RARB: variants seen among roughly 807,000 people sequenced by gnomAD.
RARB encodes the protein retinoic acid receptor beta.
Under a neutral mutation model 51.9 loss-of-function variants are expected in RARB, and 17 were observed. The ratio of observed to expected loss-of-function variants is 0.33; its 90% CI spans 0.22 to 0.49. The LOEUF is 0.49. RARB is among the 20% of genes least tolerant of loss of function. The probability of loss-of-function intolerance (pLI) is 0.99; values close to 1 mark genes in which losing one functional copy is unlikely to be tolerated. For missense variants in RARB, 369 were observed against 550.8 expected (o/e 0.67, Z 3.30); for synonymous variants, 215 against 195.4 (o/e 1.10, Z -0.84).
chr3:25,110,904 C>T (rs573818194), intron 3 of RARB, among the ~76,000 whole-genome samples: 4 of 152,126 alleles, frequency 2.6e-5, no homozygotes, highest in African/African-American at 9.6e-5. Flanking sequence ...CATAAAGCCC[C>T]CAATTTAAGT....
intron 3 of RARB, among the ~76,000 whole-genome samples, chr3:25,120,853 C>T (rs1699773042): frequency 6.6e-6 from 1 of 152,098 alleles, no homozygotes; most frequent in African/African-American, 2.4e-5. Context: ...AGTTTCACTG[C>T]AAATAAGCCA....
chr3:25,368,721 T>C (rs1706209601), intron 5 of RARB, among the ~76,000 whole-genome samples: 1 of 152,200 alleles, frequency 6.6e-6, no homozygotes, highest in Admixed American at 6.5e-5. Context: ...TCCAGGTGTG[T>C]CCATTACATC....
chr3:25,290,213 G>A (rs537663188), intron 5 of RARB, among the ~76,000 whole-genome samples: 15 of 152,228 alleles, frequency 9.9e-5, no homozygotes, highest in Admixed American at 2.6e-4. Flanking sequence ...ACATAACTAC[G>A]TTTGGAAATA....
intron 2 of RARB, among the ~76,000 whole-genome samples, chr3:24,964,227 G>C (rs1696206593): frequency 6.6e-6 from 1 of 151,680 alleles, no homozygotes; most frequent in Admixed American, 6.6e-5. Context: ...TGCTAATTTG[G>C]TTATATAAAG....
At chr3:25,301,722 G>A (rs1704043054) in intron 5 of RARB, among the ~76,000 whole-genome samples, 1 of 152,190 alleles carries the variant, frequency 6.6e-6, no homozygotes, top group South Asian at 2.1e-4. Context: ...CTGTGCTCCT[G>A]TCCCTAACAT....
At chr3:25,236,887 C>T in intron 5 of RARB, among the ~76,000 whole-genome samples, 1 of 148,562 alleles carries the variant, frequency 6.7e-6, no homozygotes, top group African/African-American at 2.5e-5. Context: ...ATAGAGTTTT[C>T]TAATATAATA....
chr3:24,947,869 T>A (rs9873969), intron 2 of RARB, among the ~76,000 whole-genome samples: 5,202 of 152,232 alleles, frequency 0.034, 270 homozygotes, highest in African/African-American at 0.12. Flanking sequence ...TCTCTTCATA[T>A]CTGTAAAATA....
rs558107928 is a variant in RARB, at chr3:24,841,526, G to T, written c.-459+12123G>T. Among the ~76,000 whole-genome samples the T allele has an allele frequency of 3.9e-5, 6 of 152,226 alleles. No individual in the cohort carries two copies. The South Asian group carries it at 1.2e-3, about 32-fold the overall frequency. ...ATGTTGAGAATTCTGTTTCAACGGG[G>T]AAAAATGAAACCAAATTTATAGTAA... On this transcript the variant is annotated intron_variant, in intron 1 of 11. Transcript: ENST00000383772.
At chr3:25,387,539 T>C (rs1004228958) in intron 5 of RARB, among the ~76,000 whole-genome samples, 2 of 152,192 alleles carry the variant, frequency 1.3e-5, no homozygotes, top group Admixed American at 1.3e-4. Context: ...TTATTTGTAG[T>C]ATCTTCCACA....
intron 3 of RARB, among the ~76,000 whole-genome samples, chr3:25,067,501 T>G (rs550041111): frequency 1.3e-5 from 2 of 152,328 alleles, no homozygotes; most frequent in Admixed American, 1.3e-4. Flanking sequence ...CATTTCTACA[T>G]GCCTTTTATC....
At chr3:25,043,939 T>C (rs982516372) in intron 2 of RARB, among the ~76,000 whole-genome samples, 2 of 152,088 alleles carry the variant, frequency 1.3e-5, no homozygotes, top group Non-Finnish European at 1.5e-5. Context: ...TCTCAATGGT[T>C]TTAATAGAAA....
intron 5 of RARB, among the ~76,000 whole-genome samples, chr3:25,236,602 C>A (rs959139342): frequency 6.6e-6 from 1 of 152,036 alleles, no homozygotes; most frequent in Non-Finnish European, 1.5e-5. Flanking sequence ...CTTTTCTTCC[C>A]TTCACTATGC....
At chr3:25,196,161 G>A (rs1401500662) in intron 5 of RARB, among the ~76,000 whole-genome samples, 3 of 151,930 alleles carry the variant, frequency 2.0e-5, no homozygotes, top group Admixed American at 2.0e-4. Context: ...ATGTTGGTGT[G>A]CTGCACCCAC....
chr3:25,418,440 C>G (rs1387823014), intron 5 of RARB, among the ~76,000 whole-genome samples: 1 of 151,972 alleles, frequency 6.6e-6, no homozygotes, highest in African/African-American at 2.4e-5. Context: ...TAGACCTTAC[C>G]TACAATTGCA....
intron 2 of RARB, among the ~76,000 whole-genome samples, chr3:24,887,843 T>C (rs1461234422): frequency 6.6e-6 from 1 of 152,136 alleles, no homozygotes; most frequent in African/African-American, 2.4e-5. Flanking sequence ...TGGTTTACTG[T>C]GATGTCAGCA....
At chr3:25,023,707 C>A (rs1252341373) in intron 2 of RARB, among the ~76,000 whole-genome samples, 3 of 152,132 alleles carry the variant, frequency 2.0e-5, no homozygotes, top group South Asian at 4.1e-4. Flanking sequence ...GTATGTGAGA[C>A]AGCTATGAAA....
At chr3:24,950,598 G>A (rs1051614916) in intron 2 of RARB, among the ~76,000 whole-genome samples, 3 of 152,154 alleles carry the variant, frequency 2.0e-5, no homozygotes, top group Non-Finnish European at 2.9e-5. Flanking sequence ...TGAACATAAC[G>A]GAGCCAGAGA....
chr3:25,428,376 G>T lies in RARB; in HGVS notation c.-356G>T, dbSNP rs1237425997. 3.2e-6 allele frequency: 4 copies of T among 1,247,958 alleles called. No individual in the cohort carries two copies. In the African/African-American group the frequency reaches 6.2e-5, roughly 19 times the overall value. 77.3% of individuals were successfully genotyped at this position (1,247,958 alleles called of 1,614,324 possible). ...GTTTGAGGACTGGGATGCCGAGAAC[G>T]CGAGCGATCCGAGCAGGGTTTGTCT... On this transcript the variant is annotated 5_prime_UTR_variant, in exon 1 of 8. Coordinates refer to ENST00000330688, the MANE Select transcript of RARB (RefSeq NM_000965.5).
intron 5 of RARB, among the ~76,000 whole-genome samples, chr3:25,334,130 G>A (rs9837715): frequency 0.2 from 29,740 of 152,028 alleles, 3,110 homozygotes; most frequent in African/African-American, 0.27. Flanking sequence ...CGATTCCTCA[G>A]GGATCTAGAA....
Sources: allele counts gnomAD v4.1 joint callset (sites outside exome capture counted in the v4.1 genomes callset), GRCh38; gene constraint gnomAD v4.1.1; transcripts MANE v1.5; gene names NCBI Gene and HGNC (gene_info 2026-07-23, HGNC 2026-07-21).